Variants in CABIN1 observed in about 807,000 individuals in gnomAD.
CABIN1 encodes calcineurin binding protein 1.
A neutral mutation model predicts 227.7 loss-of-function variants in CABIN1; 133 were observed. That is an observed-to-expected ratio of 0.58 (90% CI 0.51 to 0.67). CABIN1 has a LOEUF of 0.67. CABIN1 is among the 30% of genes least tolerant of loss of function. The probability of loss-of-function intolerance (pLI) is 0.00; values close to 1 mark genes in which losing one functional copy is unlikely to be tolerated. For synonymous variants in CABIN1, 1,086 were observed against 1,155.1 expected, an observed-to-expected ratio of 0.94 and a Z score of 1.21; for missense variants, 2,408 against 2,852.5, an observed-to-expected ratio of 0.84 and a Z score of 3.55.
intron 1 of CABIN1, 65 bp from the exon 2 acceptor site, chr22:24,035,379 C>T: frequency 9.1e-7 from 1 of 1,104,636 alleles, no homozygotes; most frequent in Non-Finnish European, 1.4e-6. Flanking sequence ...CCTGGTGGAC[C>T]TTGGCACTGT....
rs1824170437 is a variant in CABIN1, at chr22:24,166,947, C to G, written c.5316C>G (p.Asp1772Glu). Residue 1772 changes from aspartate to glutamate, a missense_variant, in exon 32 of 37, where the codon GAC (aspartate) becomes GAG (glutamate). Asp to Glu is a conservative substitution (Grantham distance 45). Transcript: ENST00000263119. ...GTGAGGCCACTGTTTGCCACTCAGA[C>G]TTGGAGCGGACACCACCCCTGCTGC... ...DTSEATVCHSDLERTPPLLPG... is the reference protein window; with the variant it reads ...DTSEATVCHSELERTPPLLPG... 6.3e-7 allele frequency: 1 copy of G among 1,598,046 alleles called. No homozygotes were observed. Among genetic ancestry groups the G allele is most frequent in the African/African-American group, 1.3e-5 (1 of 74,590 alleles).
rs1051608890 is a variant in CABIN1, at chr22:24,155,996, G to A, written c.4747-8404G>A. ...TGCCCCGCCCCGGCCCGCCGCGAGCGAGAGAGCGAACGAGCCTCCGCGGCC... is the reference window on the plus strand; with the variant it reads ...TGCCCCGCCCCGGCCCGCCGCGAGCAAGAGAGCGAACGAGCCTCCGCGGCC... On this transcript the variant is annotated intron_variant, in intron 29 of 36. Coordinates refer to ENST00000263119, the MANE Select transcript of CABIN1 (RefSeq NM_012295.4). 1.2e-5 allele frequency: 7 copies of A among 569,402 alleles called. No individual in the cohort carries two copies. The Middle Eastern group carries it at 1.3e-3, about 104-fold the overall frequency. The allele number at this position is 569,402 out of a possible 1,614,324, so 35.3% of individuals were successfully genotyped here.
At chr22:24,019,806 C>T (rs571641500) in intron 1 of CABIN1, among the ~76,000 whole-genome samples, 315 of 151,238 alleles carry the variant, frequency 2.1e-3, no homozygotes, top group Non-Finnish European at 3.7e-3. Flanking sequence ...CACAGGCATG[C>T]GCCACCATGC....
chr22:24,148,118 G>C (rs980123783), intron 29 of CABIN1, among the ~76,000 whole-genome samples: 1 of 152,124 alleles, frequency 6.6e-6, no homozygotes, highest in Non-Finnish European at 1.5e-5. Context: ...GAGAAGACTT[G>C]GCAGTGCCAC....
Position 24,059,248 on chromosome 22 carries a change from G to A in CABIN1, c.1284G>A (p.Glu428=). The A allele has an allele frequency of 6.2e-7, 1 of 1,614,246 alleles. No individual in the cohort carries two copies. ...LPSRLRKLDP[E]EEDDSFNNYE... is the part of the protein sequence containing the mutation. ...GCAGGTTAAGAAAGCTGGACCCTGA[G>A]GAGGAAGATGATTCCTTTAATAACT... The change falls in exon 11 of 37, where the codon GAG becomes GAA. Residue 428 remains glutamate (E), a synonymous_variant. Transcript: ENST00000263119.
intron 20 of CABIN1, among the ~76,000 whole-genome samples, chr22:24,083,981 G>T (rs1388734606): frequency 6.6e-6 from 1 of 152,152 alleles, no homozygotes; most frequent in Non-Finnish European, 1.5e-5. Context: ...TAAAATGTAA[G>T]CTCCTTAGGA....
intron 24 of CABIN1, among the ~76,000 whole-genome samples, chr22:24,094,838 A>C (rs1321884311): frequency 6.6e-6 from 1 of 151,718 alleles, no homozygotes; most frequent in African/African-American, 2.4e-5. Flanking sequence ...AAAAAAAAAA[A>C]AAAAAAAGAA....
Position 24,091,765 on chromosome 22 carries a change from C to T in CABIN1, c.3708C>T (p.Tyr1236=). The change falls in exon 24 of 37, where the codon TAC becomes TAT. Residue 1236 remains tyrosine (Y), a synonymous_variant. Transcript: ENST00000263119. ...TGCACTACAGGCAGGCTGGCCACTA[C>T]CTGCACGAGGAGGCTGCCCGCTACC... ...YLLHYRQAGH[Y]LHEEAARYPK... 3 of 1,613,984 alleles carry T rather than the reference C, an allele frequency of 1.9e-6. No individual in the cohort carries two copies. Among genetic ancestry groups the T allele is most frequent in the Non-Finnish European group, 1.7e-6 (2 of 1,179,982 alleles).
chr22:24,122,072 T>TC (rs1221453765), intron 28 of CABIN1, among the ~76,000 whole-genome samples: 4 of 43,298 alleles, frequency 9.2e-5, no homozygotes, highest in African/African-American at 2.5e-4. Context: ...ACCCTCCACT[T>TC]CCCTGCTAAA....
intron 8 of CABIN1, among the ~76,000 whole-genome samples, chr22:24,052,369 C>T (rs73879033): frequency 7.9e-5 from 12 of 151,990 alleles, no homozygotes; most frequent in African/African-American, 2.2e-4. Flanking sequence ...CCATCTATTC[C>T]GGGGGTCAGC....
intron 3 of CABIN1, among the ~76,000 whole-genome samples, chr22:24,037,632 C>T (rs2146998205): frequency 6.6e-6 from 1 of 152,286 alleles, no homozygotes; most frequent in African/African-American, 2.4e-5. Context: ...ATTTTACTCA[C>T]AACCCTTCTG....
intron 1 of CABIN1, among the ~76,000 whole-genome samples, chr22:24,018,283 T>TG (rs1300204820): frequency 2.0e-5 from 3 of 152,286 alleles, no homozygotes; most frequent in Admixed American, 1.3e-4. Context: ...AATTTTTTTT[T>TG]GTCATGCAAA....
At chr22:24,170,941 G>A (rs2046775755) in intron 33 of CABIN1, among the ~76,000 whole-genome samples, 1 of 152,192 alleles carries the variant, frequency 6.6e-6, no homozygotes, top group Non-Finnish European at 1.5e-5. Context: ...GCTGCCTCAG[G>A]GCTGCCTCAC....
rs552101765 is a variant in CABIN1, at chr22:24,012,198, C to A, written c.-75+831C>A. Among the ~76,000 whole-genome samples the A allele has an allele frequency of 2.6e-5, 4 of 152,128 alleles. No homozygotes were observed. The East Asian group carries it at 7.7e-4, about 29-fold the overall frequency. On this transcript the variant is annotated intron_variant, in intron 1 of 36. Coordinates refer to ENST00000263119, the MANE Select transcript of CABIN1 (RefSeq NM_012295.4). ...CCATACTCTGTCTACTTAACTGTAGCGATGTAGTGTGGATACAGCCAAAGA... is the reference window on the plus strand; with the variant it reads ...CCATACTCTGTCTACTTAACTGTAGAGATGTAGTGTGGATACAGCCAAAGA...
intron 1 of CABIN1, among the ~76,000 whole-genome samples, 173 bp from the exon 2 acceptor site, chr22:24,035,271 G>T (rs557780731): frequency 1.3e-5 from 2 of 152,132 alleles, no homozygotes. Context: ...GAATGCTATC[G>T]TAAGGGACCA....
intron 27 of CABIN1, among the ~76,000 whole-genome samples, chr22:24,118,153 A>C (rs1355477343): frequency 6.6e-6 from 1 of 152,136 alleles, no homozygotes; most frequent in African/African-American, 2.4e-5. Context: ...CACTGGGGGC[A>C]GCGATGCAGG....
chr22:24,098,822 T>A, intron 26 of CABIN1, among the ~76,000 whole-genome samples: 1 of 152,198 alleles, frequency 6.6e-6, no homozygotes, highest in East Asian at 1.9e-4. Context: ...TTTATAGTGA[T>A]AAGCTAGTGA....
At chr22:24,040,885 AG>A (rs1355715220) in intron 4 of CABIN1, among the ~76,000 whole-genome samples, 1 of 152,182 alleles carries the variant, frequency 6.6e-6, no homozygotes, top group East Asian at 1.9e-4. Flanking sequence ...GTGGTGGGGC[AG>A]TTTCTCTCTG....
chr22:24,090,225 G>C (rs2041452971), intron 23 of CABIN1, among the ~76,000 whole-genome samples: 1 of 152,192 alleles, frequency 6.6e-6, no homozygotes. Flanking sequence ...CAGCCCAGAT[G>C]GGCCACTTCA....
Sources: allele counts gnomAD v4.1 joint callset (sites outside exome capture counted in the v4.1 genomes callset), GRCh38; gene constraint gnomAD v4.1.1; transcripts MANE v1.5; gene names NCBI Gene and HGNC (gene_info 2026-07-23, HGNC 2026-07-21).